Variants in ZNF423 observed in about 807,000 individuals in gnomAD.
ZNF423 encodes the protein Ebf-associated zinc finger protein.
A neutral mutation model predicts 95.8 loss-of-function variants in ZNF423; 12 were observed. The observed-to-expected ratio is 0.13, with a 90% CI of 0.08 to 0.20. The LOEUF is 0.20. ZNF423 is among the 10% of genes least tolerant of loss of function. The pLI is 1.00. For synonymous variants in ZNF423, 749 were observed against 711.9 expected (o/e 1.05, Z -0.83); for missense variants, 1,316 against 1,737.1 (o/e 0.76, Z 4.31).
At chr16:49,602,437 G>T (rs1484069776) in intron 5 of ZNF423, among the ~76,000 whole-genome samples, 1 of 152,212 alleles carries the variant, frequency 6.6e-6, no homozygotes, top group Non-Finnish European at 1.5e-5. Flanking sequence ...GGTCAGGAGG[G>T]GCTGCACAGA....
chr16:49,806,464 C>T (rs1018704383), intron 1 of ZNF423, among the ~76,000 whole-genome samples: 10 of 152,250 alleles, frequency 6.6e-5, no homozygotes, highest in Admixed American at 3.9e-4. Context: ...AGAAAAAGCA[C>T]TATAAAGTAG....
chr16:49,676,663 T>C (rs2031062870), intron 3 of ZNF423, among the ~76,000 whole-genome samples: 1 of 152,052 alleles, frequency 6.6e-6, no homozygotes. Flanking sequence ...GTCAACCACT[T>C]GACACCCTAG....
intron 7 of ZNF423, chr16:49,517,807 C>T (rs980255570): frequency 2.7e-6 from 1 of 366,594 alleles, no homozygotes; most frequent in Non-Finnish European, 5.3e-6. Context: ...GTTCCTGCTG[C>T]TGTCTTCTGA....
At chr16:49,544,895 A>G (rs1969388288) in intron 5 of ZNF423, among the ~76,000 whole-genome samples, 1 of 152,252 alleles carries the variant, frequency 6.6e-6, no homozygotes, top group Admixed American at 6.5e-5. Context: ...GGTGCTGGTG[A>G]TGTGCAGCAG....
At chr16:49,703,369 G>A (rs939433872) in intron 3 of ZNF423, among the ~76,000 whole-genome samples, 17 of 152,264 alleles carry the variant, frequency 1.1e-4, no homozygotes, top group Admixed American at 6.5e-4. Flanking sequence ...TAGGCACAAC[G>A]GCATTTAGAG....
At chr16:49,507,957 C>A (rs1412335078) in intron 7 of ZNF423, among the ~76,000 whole-genome samples, 1 of 152,134 alleles carries the variant, frequency 6.6e-6, no homozygotes, top group African/African-American at 2.4e-5. Flanking sequence ...GGCTGCCAGG[C>A]CTGATTTATA....
At chr16:49,796,700 G>A (rs975028586) in intron 1 of ZNF423, among the ~76,000 whole-genome samples, 1 of 152,124 alleles carries the variant, frequency 6.6e-6, no homozygotes, top group African/African-American at 2.4e-5. Context: ...CCTCTAGTAG[G>A]GCCAGGGAAG....
intron 3 of ZNF423, among the ~76,000 whole-genome samples, chr16:49,686,992 C>A (rs2031589929): frequency 6.6e-6 from 1 of 152,028 alleles, no homozygotes; most frequent in African/African-American, 2.4e-5. Flanking sequence ...GGTCTCCTGC[C>A]TGGAGGGAAG....
At chr16:49,687,258 A>G (rs1378108614) in intron 3 of ZNF423, among the ~76,000 whole-genome samples, 1 of 151,092 alleles carries the variant, frequency 6.6e-6, no homozygotes, top group Non-Finnish European at 1.5e-5. Flanking sequence ...CACATTTTTC[A>G]CCATAAGGGA....
At chr16:49,589,277 A>G (rs1970934324) in intron 5 of ZNF423, among the ~76,000 whole-genome samples, 1 of 152,182 alleles carries the variant, frequency 6.6e-6, no homozygotes. Context: ...CAAAGAGATA[A>G]GACAAAAGGT....
chr16:49,679,932 G>A (rs577355214), intron 3 of ZNF423, among the ~76,000 whole-genome samples: 1 of 152,362 alleles, frequency 6.6e-6, no homozygotes. Context: ...GACTCACAGA[G>A]ATGTTGGAAC....
chr16:49,493,807 T>C (rs1967060144), intron 7 of ZNF423, among the ~76,000 whole-genome samples: 1 of 152,088 alleles, frequency 6.6e-6, no homozygotes, highest in South Asian at 2.1e-4. Flanking sequence ...GACGGAGGTG[T>C]GGAGCCTAGA....
intron 7 of ZNF423, among the ~76,000 whole-genome samples, chr16:49,499,779 G>C (rs185678953): frequency 1.3e-4 from 20 of 152,222 alleles, no homozygotes; most frequent in African/African-American, 4.8e-4. Flanking sequence ...GAAGAAAAAA[G>C]CCCAATAAAC....
At chr16:49,500,540 C>T (rs978232139) in intron 7 of ZNF423, among the ~76,000 whole-genome samples, 2 of 152,154 alleles carry the variant, frequency 1.3e-5, no homozygotes, top group Non-Finnish European at 2.9e-5. Flanking sequence ...CAATCTGATG[C>T]TGCTGGGCCA....
Position 49,746,129 on chromosome 16 carries a change from C to T in ZNF423, c.101-15158G>A, listed in dbSNP as rs141366373. On this transcript the variant is annotated intron_variant, in intron 2 of 7. Transcript: ENST00000563137. ...CCCCACCTGTAACAACATCCTACAT[C>T]AACTCTGTGTGGAGGGCATTCTGTG... 2.0e-5 allele frequency among the ~76,000 whole-genome samples: 3 copies of T among 152,222 alleles called. 1 individual carries two copies. Among genetic ancestry groups the T allele is most frequent in the African/African-American group, 7.2e-5 (3 of 41,536 alleles).
intron 1 of ZNF423, among the ~76,000 whole-genome samples, chr16:49,789,794 C>T (rs1229162696): frequency 1.3e-5 from 2 of 152,176 alleles, no homozygotes; most frequent in African/African-American, 4.8e-5. Flanking sequence ...GCCCTGTGCC[C>T]CTGGCAGACA....
At chr16:49,591,937 G>A (rs145953139) in intron 5 of ZNF423, among the ~76,000 whole-genome samples, 42 of 152,226 alleles carry the variant, frequency 2.8e-4, no homozygotes, top group Non-Finnish European at 4.7e-4. Flanking sequence ...CTTCTGGGGT[G>A]TGGGTCACAC....
intron 3 of ZNF423, among the ~76,000 whole-genome samples, chr16:49,693,889 A>T (rs2031878005): frequency 6.6e-6 from 1 of 152,210 alleles, no homozygotes; most frequent in Non-Finnish European, 1.5e-5. Context: ...CCAGTTTGAG[A>T]TGCGACTCTA....
chr16:49,548,135 C>T (rs552817505), intron 5 of ZNF423, among the ~76,000 whole-genome samples: 25 of 152,258 alleles, frequency 1.6e-4, no homozygotes, highest in Admixed American at 1.1e-3. Context: ...TAAGGAAAAA[C>T]CTCCACCTCA....
Sources: allele counts gnomAD v4.1 joint callset (sites outside exome capture counted in the v4.1 genomes callset), GRCh38; gene constraint gnomAD v4.1.1; transcripts MANE v1.5; gene names NCBI Gene and HGNC (gene_info 2026-07-23, HGNC 2026-07-21).